The following ECT2 variants were observed in gnomAD, a reference collection of about 807,000 sequenced individuals.
The protein encoded by ECT2 is epithelial cell transforming 2, also known as protein ECT2.
Under a neutral mutation model 116.9 loss-of-function variants are expected in ECT2, and 61 were observed. That is an observed-to-expected ratio of 0.52 (90% confidence interval 0.42 to 0.65). ECT2 has a LOEUF of 0.65. ECT2 is among the 30% of genes least tolerant of loss of function. ECT2 has a pLI of 0.00. For synonymous variants in ECT2, 358 were observed against 346.4 expected (o/e 1.03, Z -0.37); for missense variants, 937 against 1,078.7 (o/e 0.87, Z 1.84).
chr3:172,810,514 T>C (rs1728579689), intron 22 of ECT2, among the ~76,000 whole-genome samples: 1 of 152,200 alleles, frequency 6.6e-6, no homozygotes, highest in South Asian at 2.1e-4. Context: ...TATTCTTCCA[T>C]TTATTAGGCA....
At position 172,752,981 on chromosome 3, in the gene ECT2, A is replaced by G. The variant is rs996105933; in HGVS notation, c.-22-1528A>G. Reference sequence around the variant, plus strand: ...TTTTATTAATCTGAAGAAGTAGGAAAGGGGAAAGTCTGACATGTAGCTCTC... The same window carrying G: ...TTTTATTAATCTGAAGAAGTAGGAAGGGGGAAAGTCTGACATGTAGCTCTC... On this transcript the variant is annotated intron_variant, in intron 1 of 24. Coordinates refer to ENST00000392692, the MANE Select transcript of ECT2 (RefSeq NM_001258315.2). Among the ~76,000 whole-genome samples, 4 of 152,348 alleles carry G rather than the reference A, an allele frequency of 2.6e-5. No homozygotes were observed. The East Asian group carries it at 5.8e-4, about 22-fold the overall frequency.
chr3:172,762,633 AT>A, intron 9 of ECT2, 57 bp from the exon 10 acceptor site: 1 of 1,580,262 alleles, frequency 6.3e-7, no homozygotes, highest in Non-Finnish European at 8.6e-7. Flanking sequence ...CTCTTAAAAA[AT>A]TTGAGTTTGG....
chr3:172,805,582 A>C (rs541380707), intron 20 of ECT2, 149 bp from the exon 21 acceptor site: 84 of 731,162 alleles, frequency 1.1e-4, no homozygotes, highest in Middle Eastern at 4.0e-4. Context: ...CTTTTGTTAC[A>C]TAGTAACTCT....
intron 22 of ECT2, among the ~76,000 whole-genome samples, chr3:172,809,568 TACACACACACACACAC>T (rs10576393): frequency 2.0e-5 from 3 of 147,150 alleles, no homozygotes; most frequent in South Asian, 4.3e-4. Flanking sequence ...TGTGTATATC[TACACACACACACACAC>T]ACACACACAC....
chr3:172,788,249 T>C (rs931787708), intron 18 of ECT2, among the ~76,000 whole-genome samples: 1 of 152,230 alleles, frequency 6.6e-6, no homozygotes, highest in Non-Finnish European at 1.5e-5. Flanking sequence ...ACCAGTTCAC[T>C]AGTCCTTGCC....
intron 1 of ECT2, among the ~76,000 whole-genome samples, chr3:172,753,029 A>G (rs1043006438): frequency 1.3e-5 from 2 of 152,188 alleles, no homozygotes; most frequent in Non-Finnish European, 2.9e-5. Flanking sequence ...TCCTCTGTAT[A>G]TTTGCCTAAT....
intron 24 of ECT2, among the ~76,000 whole-genome samples, chr3:172,819,004 T>A (rs1730272940): frequency 6.6e-6 from 1 of 152,122 alleles, no homozygotes; most frequent in South Asian, 2.1e-4. Context: ...CATTAGAAAT[T>A]TTCTTATTTA....
At chr3:172,802,413 G>A (rs758452085) in intron 18 of ECT2, among the ~76,000 whole-genome samples, 9 of 152,004 alleles carry the variant, frequency 5.9e-5, no homozygotes, top group Non-Finnish European at 8.8e-5. Context: ...GCACCTGGCC[G>A]GAAGTTGCTT....
chr3:172,774,310 G>A (rs1341986134), intron 14 of ECT2, among the ~76,000 whole-genome samples: 3 of 151,726 alleles, frequency 2.0e-5, no homozygotes, highest in African/African-American at 4.8e-5. Flanking sequence ...CAATTCTCCC[G>A]CTGCCTAAGT....
intron 21 of ECT2, among the ~76,000 whole-genome samples, chr3:172,806,727 A>G (rs2109110033): frequency 1.5e-5 from 2 of 130,940 alleles, no homozygotes; most frequent in South Asian, 4.6e-4. Flanking sequence ...AACTTGGTTC[A>G]CTGCAGCTCC....
rs756369323 is a variant in ECT2 at position 172,815,854 on chromosome 3, C to CTAT, written c.2508+143_2508+144insTAT. On this transcript the variant is annotated intron_variant, in intron 23 of 24. Transcript: ENST00000392692. The stretch of plus-strand genomic sequence containing the variant: ...GGTTCTAGGAAATGACCCACAGAAA[C>CTAT]AATAGTTTTACTTCAGTGACTTCCT... 4 of 624,140 alleles carry CTAT rather than the reference C, an allele frequency of 6.4e-6. No individual in the cohort carries two copies. The East Asian group carries it at 1.2e-4, about 19-fold the overall frequency. 38.7% of individuals were successfully genotyped at this position (624,140 alleles called of 1,614,324 possible). A position where few individuals can be genotyped will look rare whatever the true frequency, so the allele number is the denominator to read the frequency against.
chr3:172,794,881 A>G (rs1725331121), intron 18 of ECT2, among the ~76,000 whole-genome samples: 1 of 150,568 alleles, frequency 6.6e-6, no homozygotes, highest in African/African-American at 2.4e-5. Flanking sequence ...CACCTGGCTA[A>G]TTTTTTTTTA....
At chr3:172,769,836 TAA>T (rs1212434555) in intron 13 of ECT2, among the ~76,000 whole-genome samples, 2 of 152,128 alleles carry the variant, frequency 1.3e-5, no homozygotes, top group African/African-American at 4.8e-5. Context: ...TTTTAGGTAA[TAA>T]AAGAGATAGG....
chr3:172,762,708 C>T lies in ECT2; in HGVS notation c.907C>T (p.Leu303Phe). The T allele has an allele frequency of 1.9e-6, 3 of 1,611,082 alleles. No individual in the cohort carries two copies. The highest frequency in any genetic ancestry group is 2.5e-6 in the Non-Finnish European group (3 of 1,179,008). Residue 303 changes from leucine to phenylalanine, a missense_variant, in exon 10 of 25, where the codon CTT (leucine) becomes TTT (phenylalanine). By Grantham distance (22) the Leu-to-Phe change is conservative. Coordinates refer to ENST00000392692, the MANE Select transcript of ECT2 (RefSeq NM_001258315.2). ...CTTTTTAGGAGGTAAATATTTACCG[C>T]TTGGAGATGAAAGATGCACTCACCT... is the stretch of plus-strand genomic sequence containing the variant. ...TEMQGGKYLPLGDERCTHLVV... is the reference protein window; with the variant it reads ...TEMQGGKYLPFGDERCTHLVV...
At position 172,802,858 on chromosome 3, in the gene ECT2, C is replaced by T; in HGVS notation, c.1987-3C>T. ...TCTTTTGTTATATTTTCAACCTATA[C>T]AGGCTAATCTTTTATCTTCTCACCG... On this transcript the variant is annotated splice_polypyrimidine_tract_variant and splice_region_variant and intron_variant, in intron 19 of 24. Transcript: ENST00000392692. The T allele has an allele frequency of 6.2e-7, 1 of 1,609,374 alleles. No homozygotes were observed. The highest frequency in any genetic ancestry group is 8.5e-7 in the Non-Finnish European group (1 of 1,178,396).
At chr3:172,796,347 T>G (rs1055082175) in intron 18 of ECT2, 4 of 152,228 alleles carry the variant, frequency 2.6e-5, no homozygotes, top group Non-Finnish European at 1.5e-5. Context: ...TTGATTGATA[T>G]AGGACCAAAG....
chr3:172,767,709 T>C (rs898867711), intron 12 of ECT2, among the ~76,000 whole-genome samples: 1 of 150,838 alleles, frequency 6.6e-6, no homozygotes, highest in South Asian at 2.1e-4. Context: ...TATATATCTA[T>C]AGATATGTGT....
chr3:172,777,719 C>CA (rs1721995058), intron 14 of ECT2, among the ~76,000 whole-genome samples: 1 of 152,048 alleles, frequency 6.6e-6, no homozygotes, highest in African/African-American at 2.4e-5. Context: ...GGCAACAAGG[C>CA]AAAACCCCAT....
chr3:172,804,317 G>A (rs575699745), intron 20 of ECT2, among the ~76,000 whole-genome samples: 126 of 152,154 alleles, frequency 8.3e-4, no homozygotes, highest in Non-Finnish European at 1.5e-3. Context: ...GTTGTTATGA[G>A]GCTAAATGAA....
Sources: gnomAD v4.1 joint callset for allele counts (sites outside exome capture counted in the v4.1 genomes callset) on GRCh38, gnomAD v4.1.1 for gene constraint, MANE v1.5 for transcripts, NCBI Gene and HGNC (gene_info 2026-07-23, HGNC 2026-07-21) for gene names.